INTS4: variants seen among roughly 807,000 people sequenced by gnomAD.
The protein encoded by INTS4 is integrator complex subunit 4.
A neutral mutation model predicts 119.5 loss-of-function variants in INTS4; 70 were observed. That is an observed-to-expected ratio of 0.59 (90% CI 0.48 to 0.71). The LOEUF is 0.71. Among genes scored for constraint, INTS4 ranks in the 30% least tolerant of loss-of-function variants. The pLI is 0.00. For missense variants in INTS4, 867 were observed against 1,173.2 expected (o/e 0.74, Z 3.81); for synonymous variants, 316 against 419.6 (o/e 0.75, Z 3.02).
intron 7 of INTS4, among the ~76,000 whole-genome samples, chr11:77,956,984 G>T (rs2136571907): frequency 6.6e-6 from 1 of 152,134 alleles, no homozygotes; most frequent in East Asian, 1.9e-4. Context: ...GCCCAGGCTG[G>T]AGTGCAGTGG....
chr11:77,928,430 C>A lies in INTS4; in HGVS notation c.1283G>T (p.Arg428Leu). Residue 428 changes from arginine (R) to leucine (L), a missense_variant, in exon 11 of 23, where the codon CGT becomes CTT. Around this residue, in one of 5 missense-constraint regions of INTS4, gnomAD observed 208 missense variants for 306.6 expected, o/e 0.68. Transcript: ENST00000534064. ...TCTCATGGTATGTATAGACTGCAGA[C>A]GTACTTCCTCAATTTCATCGTTGAA... Reference protein sequence around the residue: ...DMFNDEIEEVRLQSIHTMRKI... With the variant: ...DMFNDEIEEVLLQSIHTMRKI... The A allele has an allele frequency of 6.2e-7, 1 of 1,611,926 alleles. No homozygotes were observed. Among genetic ancestry groups the A allele is most frequent in the Non-Finnish European group, 8.5e-7 (1 of 1,178,438 alleles).
intron 4 of INTS4, among the ~76,000 whole-genome samples, chr11:77,974,551 CATA>C (rs138289692): frequency 0.22 from 32,396 of 150,580 alleles, 3,549 homozygotes; most frequent in African/African-American, 0.26. Context: ...TATGATTTTT[CATA>C]ATATTAACTT....
At chr11:77,971,579 G>A (rs1209191179) in intron 4 of INTS4, among the ~76,000 whole-genome samples, 2 of 152,106 alleles carry the variant, frequency 1.3e-5, no homozygotes, top group African/African-American at 4.8e-5. Flanking sequence ...GGCAGAGGTT[G>A]CAGTGAGCCG....
intron 17 of INTS4, among the ~76,000 whole-genome samples, chr11:77,902,809 GA>G (rs1045798757): frequency 6.6e-6 from 1 of 152,160 alleles, no homozygotes; most frequent in Non-Finnish European, 1.5e-5. Flanking sequence ...AAGCTAAAAA[GA>G]AATAAACTAG....
At chr11:77,880,835 T>C (rs530464543) in intron 22 of INTS4, among the ~76,000 whole-genome samples, 1 of 152,208 alleles carries the variant, frequency 6.6e-6, no homozygotes, top group African/African-American at 2.4e-5. Flanking sequence ...TCTCAGTTAC[T>C]AGGGGGACTG....
chr11:77,913,422 C>T (rs1953132936), intron 15 of INTS4, among the ~76,000 whole-genome samples: 1 of 151,224 alleles, frequency 6.6e-6, no homozygotes, highest in Non-Finnish European at 1.5e-5. Context: ...CACCATTCTC[C>T]TGCCTCAGCC....
chr11:77,881,391 C>T (rs1951785743), intron 22 of INTS4, among the ~76,000 whole-genome samples: 2 of 152,076 alleles, frequency 1.3e-5, no homozygotes, highest in African/African-American at 4.8e-5. Flanking sequence ...AACTCCAGGC[C>T]CCATCACCTA....
chr11:77,963,496 T>C (rs757519906), intron 4 of INTS4: 5 of 406,804 alleles, frequency 1.2e-5, no homozygotes, highest in South Asian at 9.3e-5. Flanking sequence ...AGTGCCATAA[T>C]TTTTATATTA....
At chr11:77,881,739 T>G (rs1156529224) in intron 22 of INTS4, among the ~76,000 whole-genome samples, 5 of 152,168 alleles carry the variant, frequency 3.3e-5, no homozygotes, top group Non-Finnish European at 7.4e-5. Flanking sequence ...GACAAGCAAG[T>G]TCCCTGCTCT....
rs1952775822 is a variant in INTS4, at chr11:77,901,481, T to C, written c.2168A>G (p.His723Arg). The C allele has an allele frequency of 6.2e-7, 1 of 1,613,698 alleles. No homozygotes were observed. Among genetic ancestry groups the C allele is most frequent in the African/African-American group, 1.3e-5 (1 of 74,922 alleles). ...GVENKQVVII[H>R]HMRLQAKALQ... ...AGCTTTGGCCTGCAGCCTCATGTGA[T>C]GTATAATCACCACCTGCTTATTCTC... The change falls in exon 18 of 23, where the codon CAT (histidine) becomes CGT (arginine). Residue 723 changes from histidine (H) to arginine (R), a missense_variant. This residue lies in a region of INTS4 where 262 missense variants were observed against 376.0 expected (regional missense o/e 0.70). Coordinates refer to ENST00000534064, the MANE Select transcript of INTS4 (RefSeq NM_033547.4).
chr11:77,941,367 A>G, intron 8 of INTS4, 116 bp from the exon 9 acceptor site: 1 of 1,174,792 alleles, frequency 8.5e-7, no homozygotes, highest in Non-Finnish European at 1.2e-6. Flanking sequence ...TCATGACAGT[A>G]AAGATGCTAT....
intron 2 of INTS4, among the ~76,000 whole-genome samples, chr11:77,983,343 G>C (rs549149271): frequency 6.6e-6 from 1 of 152,118 alleles, no homozygotes; most frequent in East Asian, 1.9e-4. Context: ...TTGAACTCCT[G>C]GGCTCCTGCC....
At chr11:77,945,085 A>G (rs1198037335) in intron 8 of INTS4, among the ~76,000 whole-genome samples, 1 of 152,250 alleles carries the variant, frequency 6.6e-6, no homozygotes, top group Non-Finnish European at 1.5e-5. Flanking sequence ...GGAGCATGGA[A>G]GCCTCAGGAT....
At chr11:77,892,345 G>A (rs1952310603) in intron 19 of INTS4, among the ~76,000 whole-genome samples, 2 of 152,108 alleles carry the variant, frequency 1.3e-5, no homozygotes, top group African/African-American at 4.8e-5. Flanking sequence ...GGCTCAGACT[G>A]ATCCAATTTT....
chr11:77,958,181 T>C (rs1954378334), intron 7 of INTS4, among the ~76,000 whole-genome samples: 1 of 151,446 alleles, frequency 6.6e-6, no homozygotes, highest in East Asian at 1.9e-4. Context: ...CACCCCTTTT[T>C]CCTATACAAG....
chr11:77,929,914 G>C (rs1227144722), intron 10 of INTS4, among the ~76,000 whole-genome samples: 1 of 152,150 alleles, frequency 6.6e-6, no homozygotes, highest in African/African-American at 2.4e-5. Flanking sequence ...ATCACCTAGG[G>C]TATAGGTTTG....
At chr11:77,890,658 G>A (rs868005412) in intron 21 of INTS4, among the ~76,000 whole-genome samples, 1 of 152,170 alleles carries the variant, frequency 6.6e-6, no homozygotes, top group Non-Finnish European at 1.5e-5. Flanking sequence ...TGCACACCCC[G>A]AGAGGAAGAA....
intron 10 of INTS4, among the ~76,000 whole-genome samples, chr11:77,933,634 C>A (rs1344440843): frequency 6.6e-6 from 1 of 152,192 alleles, no homozygotes; most frequent in Non-Finnish European, 1.5e-5. Flanking sequence ...GCAGCCTCTG[C>A]CCGGCCGCCA....
At chr11:77,953,615 G>C (rs184224659) in intron 8 of INTS4, among the ~76,000 whole-genome samples, 2 of 149,618 alleles carry the variant, frequency 1.3e-5, no homozygotes, top group South Asian at 4.2e-4. Flanking sequence ...ACAGGGTCTC[G>C]CTCTTTTGCA....
Sources: gnomAD v4.1 joint callset for allele counts (sites outside exome capture counted in the v4.1 genomes callset) on GRCh38, gnomAD v4.1.1 for gene constraint, gnomAD v4.1.1 regional missense constraint, MANE v1.5 for transcripts, NCBI Gene and HGNC (gene_info 2026-07-23, HGNC 2026-07-21) for gene names.